DLG2: variants seen among roughly 807,000 people sequenced by gnomAD.
DLG2 encodes the protein disks large homolog 2.
A neutral mutation model predicts 132.5 loss-of-function variants in DLG2; 45 were observed. The ratio of observed to expected loss-of-function variants is 0.34; its 90% CI spans 0.27 to 0.44. The LOEUF is 0.44. Among genes scored for constraint, DLG2 ranks in the 20% least tolerant of loss-of-function variants. The probability of loss-of-function intolerance (pLI) is 1.00; values close to 1 mark genes in which losing one functional copy is unlikely to be tolerated. For missense variants in DLG2, 1,045 were observed against 1,196.9 expected (o/e 0.87, Z 1.87); for synonymous variants, 424 against 419.6 (o/e 1.01, Z -0.13).
chr11:85,265,701 A>C (rs1215290768), intron 4 of DLG2, among the ~76,000 whole-genome samples: 1 of 152,180 alleles, frequency 6.6e-6, no homozygotes, highest in African/African-American at 2.4e-5. Flanking sequence ...CTTTTCCAAA[A>C]CTACCAATAG....
chr11:84,183,416 G>A (rs7943267), intron 8 of DLG2, among the ~76,000 whole-genome samples: 129,386 of 151,968 alleles, frequency 0.85, 55,279 homozygotes, highest in Middle Eastern at 0.93. Flanking sequence ...GGGAGGAGGT[G>A]TATGGGAACC....
chr11:84,568,442 G>A, intron 6 of DLG2, among the ~76,000 whole-genome samples: 1 of 152,218 alleles, frequency 6.6e-6, no homozygotes, highest in South Asian at 2.1e-4. Context: ...TGGAGGTGGA[G>A]GTTGCAGTGA....
intron 6 of DLG2, among the ~76,000 whole-genome samples, chr11:84,916,846 G>A (rs1033499578): frequency 3.3e-5 from 5 of 152,134 alleles, no homozygotes; most frequent in Non-Finnish European, 5.9e-5. Context: ...AAAATGCCAG[G>A]CAGGCTTCTA....
chr11:83,723,351 G>A (rs1348168583), intron 18 of DLG2, among the ~76,000 whole-genome samples: 2 of 152,124 alleles, frequency 1.3e-5, no homozygotes. Flanking sequence ...CTGCACTCCA[G>A]CCTGGGCAAC....
intron 6 of DLG2, among the ~76,000 whole-genome samples, chr11:84,705,851 C>A (rs530726876): frequency 6.6e-6 from 1 of 151,834 alleles, no homozygotes; most frequent in South Asian, 2.1e-4. Context: ...GTCTCAATTG[C>A]CTAAATAATT....
intron 19 of DLG2, among the ~76,000 whole-genome samples, chr11:83,585,255 G>A (rs559293552): frequency 1.3e-5 from 2 of 152,240 alleles, no homozygotes; most frequent in Admixed American, 6.5e-5. Context: ...AATAGTAGTG[G>A]TTAAGATCAG....
intron 3 of DLG2, among the ~76,000 whole-genome samples, chr11:85,339,458 A>T (rs2082340190): frequency 6.6e-6 from 1 of 152,198 alleles, no homozygotes; most frequent in Admixed American, 6.5e-5. Flanking sequence ...GAAGGGTTAT[A>T]TCAATTTGCA....
At chr11:84,713,753 T>C (rs898541305) in intron 6 of DLG2, among the ~76,000 whole-genome samples, 5 of 152,140 alleles carry the variant, frequency 3.3e-5, no homozygotes, top group Non-Finnish European at 1.5e-5. Context: ...TCTTAAATTA[T>C]TTTTTAAAAT....
At chr11:84,505,239 A>T (rs1432201303) in intron 7 of DLG2, among the ~76,000 whole-genome samples, 2 of 152,170 alleles carry the variant, frequency 1.3e-5, no homozygotes, top group Non-Finnish European at 2.9e-5. Flanking sequence ...GTATCATAAT[A>T]TAATAAGTGA....
At chr11:84,457,756 A>G (rs141546452) in intron 7 of DLG2, among the ~76,000 whole-genome samples, 46 of 151,062 alleles carry the variant, frequency 3.0e-4, no homozygotes, top group African/African-American at 1.1e-3. Flanking sequence ...GAGAAAGCCT[A>G]TTGTTAATTT....
At chr11:85,564,476 C>T (rs1457688502) in intron 3 of DLG2, among the ~76,000 whole-genome samples, 1 of 151,870 alleles carries the variant, frequency 6.6e-6, no homozygotes, top group Admixed American at 6.6e-5. Flanking sequence ...TCTACTGGTG[C>T]TAGAACTCAA....
chr11:85,185,744 C>T (rs1338659644), intron 4 of DLG2, among the ~76,000 whole-genome samples: 5 of 151,792 alleles, frequency 3.3e-5, no homozygotes, highest in Admixed American at 1.3e-4. Context: ...TCATCCTCAT[C>T]GAAATCAACA....
intron 3 of DLG2, among the ~76,000 whole-genome samples, chr11:85,564,649 GATT>G (rs1198268406): frequency 6.6e-6 from 1 of 151,814 alleles, no homozygotes; most frequent in African/African-American, 2.4e-5. Context: ...ACATTTTCTG[GATT>G]ATTTTAGCTT....
intron 3 of DLG2, among the ~76,000 whole-genome samples, chr11:85,323,446 A>C (rs74536980): frequency 0.01 from 1,595 of 152,376 alleles, 12 homozygotes; most frequent in Non-Finnish European, 0.017. Flanking sequence ...GCAATGATCA[A>C]ATAAATGAAA....
At chr11:84,757,673 C>G (rs1254528749) in intron 6 of DLG2, among the ~76,000 whole-genome samples, 1 of 152,048 alleles carries the variant, frequency 6.6e-6, no homozygotes, top group African/African-American at 2.4e-5. Flanking sequence ...CTCATTTAAT[C>G]CCTTACTGTT....
chr11:84,918,248 A>G (rs2092585794), intron 6 of DLG2, among the ~76,000 whole-genome samples: 1 of 152,192 alleles, frequency 6.6e-6, no homozygotes. Context: ...CAATACCCAA[A>G]CATAAGCAAA....
chr11:83,850,256 A>C (rs1438945901), intron 16 of DLG2, among the ~76,000 whole-genome samples: 1 of 151,452 alleles, frequency 6.6e-6, no homozygotes, highest in Non-Finnish European at 1.5e-5. Context: ...CGGGTTCAAG[A>C]GATTCTCCTG....
Position 85,205,968 on chromosome 11 carries a change from AC to A in DLG2, c.187-51318del, listed in dbSNP as rs1365802497. 8.6e-5 allele frequency among the ~76,000 whole-genome samples: 13 copies of A among 151,968 alleles called. No homozygotes were observed. The East Asian group carries it at 2.1e-3, about 25-fold the overall frequency. ...GCATTATATGGTTTGGATCTATGTC[AC>A]CCCCACCCTCAAATCTCATGTGGAA... On this transcript the variant is annotated intron_variant, in intron 4 of 27. Coordinates refer to ENST00000376104, the MANE Select transcript of DLG2 (RefSeq NM_001142699.3).
intron 22 of DLG2, among the ~76,000 whole-genome samples, chr11:83,480,856 ATT>A (rs2093046372): frequency 6.6e-6 from 1 of 152,020 alleles, no homozygotes; most frequent in African/African-American, 2.4e-5. Flanking sequence ...GCCTTTAAGA[ATT>A]TTGCTGGAAC....
Sources: gnomAD v4.1 joint callset for allele counts (sites outside exome capture counted in the v4.1 genomes callset) on GRCh38, gnomAD v4.1.1 for gene constraint, MANE v1.5 for transcripts, NCBI Gene and HGNC (gene_info 2026-07-23, HGNC 2026-07-21) for gene names.